The following CNTN4 variants were observed in gnomAD, a reference collection of about 807,000 sequenced individuals.
CNTN4 encodes the protein contactin 4, also known as contactin-4.
In CNTN4, 77 loss-of-function variants were observed where a neutral mutation model predicts 122.5. That is an observed-to-expected ratio of 0.63 (90% CI 0.52 to 0.76). The LOEUF is 0.76. Ranked by LOEUF, CNTN4 falls within the 30% of genes least tolerant of loss-of-function variation. CNTN4 has a pLI of 0.00. For synonymous variants in CNTN4, 512 were observed against 447.0 expected, an observed-to-expected ratio of 1.15 and a Z score of -1.83; for missense variants, 1,256 against 1,259.1, an observed-to-expected ratio of 1.00 and a Z score of 0.04.
In CNTN4 at chr3:2,309,548, T is replaced by C. The variant is rs796618404; in HGVS notation, c.-144-29630T>C. On this transcript the variant is annotated intron_variant, in intron 2 of 24. Transcript: ENST00000418658. ...GTTTGCGACTCTTGTTTCTTCCCCA[T>C]TTCCATCAACATCCCTGCAGTCCAG... Among the ~76,000 whole-genome samples the C allele has an allele frequency of 3.3e-5, 5 of 152,126 alleles. No individual in the cohort carries two copies. The South Asian group carries it at 6.2e-4, about 19-fold the overall frequency.
intron 6 of CNTN4, among the ~76,000 whole-genome samples, chr3:2,781,736 T>A (rs1238565094): frequency 1.4e-5 from 2 of 140,618 alleles, no homozygotes; most frequent in Non-Finnish European, 3.0e-5. Flanking sequence ...TTTTTTTTTT[T>A]TTTTTTGAGA....
intron 3 of CNTN4, among the ~76,000 whole-genome samples, chr3:2,529,832 G>A (rs188139100): frequency 2.6e-4 from 40 of 152,212 alleles, no homozygotes; most frequent in Admixed American, 2.4e-3. Context: ...CCAAGATGAT[G>A]ACATCACTGA....
At position 2,585,262 on chromosome 3, in the gene CNTN4, A is replaced by C. The variant is rs955536416; in HGVS notation, c.55+13704A>C. On this transcript the variant is annotated intron_variant, in intron 4 of 24. Coordinates refer to ENST00000418658, the MANE Select transcript of CNTN4 (RefSeq NM_175607.3). ...GGTGGGACTGTAAACTAGTTCAACC[A>C]TTGTGGAAGTCAGAGTGGCGATTCC... 1.4e-4 allele frequency among the ~76,000 whole-genome samples: 21 copies of C among 151,964 alleles called. 1 individual carries two copies. The highest frequency in any genetic ancestry group is 4.6e-4 in the African/African-American group (19 of 41,428).
intron 2 of CNTN4, among the ~76,000 whole-genome samples, chr3:2,101,927 C>G (rs2031999190): frequency 1.3e-5 from 2 of 152,152 alleles, no homozygotes; most frequent in African/African-American, 4.8e-5. Flanking sequence ...TATCTCTGCT[C>G]TGCTGTTCAT....
chr3:2,769,189 C>A (rs1463571557), intron 6 of CNTN4, among the ~76,000 whole-genome samples: 1 of 152,196 alleles, frequency 6.6e-6, no homozygotes, highest in East Asian at 1.9e-4. Context: ...GGTGGCCAGG[C>A]ACGGTGGCTC....
In CNTN4 at chr3:2,301,792, T is replaced by G. The variant is rs73115732; in HGVS notation, c.-144-37386T>G. 1.6e-3 allele frequency among the ~76,000 whole-genome samples: 248 copies of G among 152,348 alleles called. 1 individual carries two copies. The highest frequency in any genetic ancestry group is 5.6e-3 in the African/African-American group (234 of 41,586). ...TCCACTTCGGACAGAGAAGTCTCCA[T>G]AAGGTATTCAGACTGGCTTCCCCTG... On this transcript the variant is annotated intron_variant, in intron 2 of 24. Transcript: ENST00000418658.
At chr3:2,708,363 T>C (rs1375421536) in intron 4 of CNTN4, among the ~76,000 whole-genome samples, 1 of 152,064 alleles carries the variant, frequency 6.6e-6, no homozygotes, top group Admixed American at 6.6e-5. Flanking sequence ...ACTTAAAAGG[T>C]AACCCATATG....
At chr3:2,309,222 T>C (rs1468582138) in intron 2 of CNTN4, among the ~76,000 whole-genome samples, 1 of 152,152 alleles carries the variant, frequency 6.6e-6, no homozygotes, top group African/African-American at 2.4e-5. Flanking sequence ...TGTTCATCTG[T>C]ACTAAAATTT....
At chr3:2,780,123 C>A (rs1429484653) in intron 6 of CNTN4, among the ~76,000 whole-genome samples, 1 of 152,190 alleles carries the variant, frequency 6.6e-6, no homozygotes, top group Admixed American at 6.5e-5. Context: ...TCTGACCCAA[C>A]AGATGTTACA....
chr3:2,715,215 A>G (rs1464655547), intron 4 of CNTN4, among the ~76,000 whole-genome samples: 1 of 152,194 alleles, frequency 6.6e-6, no homozygotes, highest in Non-Finnish European at 1.5e-5. Flanking sequence ...TTCTAAAGGA[A>G]GCAGCTACTG....
intron 2 of CNTN4, among the ~76,000 whole-genome samples, chr3:2,123,314 G>A (rs1486795670): frequency 1.3e-5 from 2 of 152,152 alleles, no homozygotes; most frequent in Non-Finnish European, 2.9e-5. Flanking sequence ...ACTAATAATT[G>A]GCAGAGCTAT....
intron 3 of CNTN4, among the ~76,000 whole-genome samples, chr3:2,369,859 TG>T (rs1387157936): frequency 6.6e-6 from 1 of 152,126 alleles, no homozygotes; most frequent in African/African-American, 2.4e-5. Flanking sequence ...GATAGAGTAG[TG>T]CTTTAATTAT....
chr3:2,840,502 C>T (rs551572739), intron 7 of CNTN4, among the ~76,000 whole-genome samples: 20 of 137,502 alleles, frequency 1.5e-4, no homozygotes, highest in South Asian at 2.6e-4. Flanking sequence ...AGATCGAGAC[C>T]ATCCTGGCTA....
intron 4 of CNTN4, among the ~76,000 whole-genome samples, chr3:2,715,416 C>G (rs1047454587): frequency 2.6e-5 from 4 of 152,136 alleles, no homozygotes; most frequent in African/African-American, 9.7e-5. Flanking sequence ...ATTTTTAAAT[C>G]AGCAACCTCT....
chr3:2,929,619 C>G (rs942889775), intron 13 of CNTN4, among the ~76,000 whole-genome samples: 1 of 152,186 alleles, frequency 6.6e-6, no homozygotes, highest in African/African-American at 2.4e-5. Context: ...AGGACTCTGT[C>G]TCGCTCTCTT....
intron 3 of CNTN4, among the ~76,000 whole-genome samples, chr3:2,358,642 A>G (rs1292530772): frequency 2.6e-5 from 4 of 152,106 alleles, no homozygotes; most frequent in Non-Finnish European, 5.9e-5. Context: ...TGCTTTTCCT[A>G]TTAGCAGGTA....
chr3:3,038,701 C>T (rs929199585), intron 18 of CNTN4, among the ~76,000 whole-genome samples: 8 of 152,192 alleles, frequency 5.3e-5, no homozygotes, highest in Non-Finnish European at 1.0e-4. Flanking sequence ...TGTCAGATAA[C>T]ACGTGTGCCT....
intron 6 of CNTN4, among the ~76,000 whole-genome samples, chr3:2,787,932 G>T (rs2091892586): frequency 6.6e-6 from 1 of 151,924 alleles, no homozygotes; most frequent in Non-Finnish European, 1.5e-5. Context: ...TGTGATTACA[G>T]GCATCCGCCA....
At chr3:2,182,239 T>C (rs1490545371) in intron 2 of CNTN4, among the ~76,000 whole-genome samples, 1 of 151,960 alleles carries the variant, frequency 6.6e-6, no homozygotes, top group Non-Finnish European at 1.5e-5. Flanking sequence ...TTTTCTTTAC[T>C]TGGGTTTCTC....
Sources: gnomAD v4.1 joint callset for allele counts (sites outside exome capture counted in the v4.1 genomes callset) on GRCh38, gnomAD v4.1.1 for gene constraint, MANE v1.5 for transcripts, NCBI Gene and HGNC (gene_info 2026-07-23, HGNC 2026-07-21) for gene names.